Variants in VOPP1 observed in about 807,000 individuals in gnomAD.
VOPP1 encodes the protein WW domain binding protein VOPP1.
A neutral mutation model predicts 23.5 loss-of-function variants in VOPP1; 8 were observed. The observed-to-expected ratio is 0.34, with a 90% CI of 0.20 to 0.61. The LOEUF (loss-of-function observed/expected upper bound fraction) is 0.61, where lower values mean the gene tolerates loss of function less well. VOPP1 is among the 20% of genes least tolerant of loss of function. VOPP1 has a pLI of 0.78. For synonymous variants in VOPP1, 83 were observed against 97.3 expected (o/e 0.85, Z 0.86); for missense variants, 174 against 238.1 (o/e 0.73, Z 1.77).
At chr7:55,523,496 A>T (rs1366791875) in intron 1 of VOPP1, among the ~76,000 whole-genome samples, 1 of 152,108 alleles carries the variant, frequency 6.6e-6, no homozygotes, top group Non-Finnish European at 1.5e-5. Flanking sequence ...GGGGCAAAGC[A>T]CTCAGGTCAT....
intron 1 of VOPP1, among the ~76,000 whole-genome samples, chr7:55,534,214 C>T (rs1796652125): frequency 6.8e-6 from 1 of 147,880 alleles, no homozygotes; most frequent in South Asian, 2.2e-4. Context: ...ACAGAAATTT[C>T]TACAGACACT....
At chr7:55,435,722 G>A (rs879768110), downstream of VOPP1, among the ~76,000 whole-genome samples, 2 of 152,244 alleles carry the variant, frequency 1.3e-5, no homozygotes, top group Non-Finnish European at 2.9e-5. Flanking sequence ...GATGCCTGGG[G>A]CTATCCTGAG....
intron 1 of VOPP1, among the ~76,000 whole-genome samples, chr7:55,528,419 T>C (rs1796311505): frequency 6.6e-6 from 1 of 152,230 alleles, no homozygotes; most frequent in African/African-American, 2.4e-5. Context: ...TATTCAATTT[T>C]ACTTTAAAAT....
intron 3 of VOPP1, among the ~76,000 whole-genome samples, chr7:55,494,569 G>A (rs540066209): frequency 1.3e-5 from 2 of 152,074 alleles, no homozygotes; most frequent in Non-Finnish European, 2.9e-5. Flanking sequence ...GGAGTTACAC[G>A]GGATCCACTT....
At chr7:55,487,612 T>C (rs1471921292) in intron 4 of VOPP1, among the ~76,000 whole-genome samples, 7 of 152,318 alleles carry the variant, frequency 4.6e-5, no homozygotes, top group African/African-American at 2.4e-5. Flanking sequence ...TGTATGTCAC[T>C]GGGCCTGGCT....
At chr7:55,443,519 G>A (rs62457878) in intron 4 of VOPP1, among the ~76,000 whole-genome samples, 35,387 of 151,968 alleles carry the variant, frequency 0.23, 4,660 homozygotes, top group African/African-American at 0.34. Context: ...ACGCCACTGC[G>A]CTCCAGCCTG....
chr7:55,537,699 T>C lies in VOPP1; in HGVS notation c.55-16569A>G. ...TGTTGAGTGGTGAGAACATCTACCA[T>C]GGAGGACGCTACAAGGATTCAAGAA... On this transcript the variant is annotated intron_variant, in intron 1 of 4. Coordinates refer to ENST00000285279, the MANE Select transcript of VOPP1 (RefSeq NM_030796.5). 7 of 1,446,570 alleles carry C rather than the reference T, an allele frequency of 4.8e-6. No individual in the cohort carries two copies. In the Admixed American group the frequency reaches 1.2e-4, roughly 26 times the overall value. 89.6% of individuals were successfully genotyped at this position (1,446,570 alleles called of 1,614,324 possible).
At chr7:55,496,464 G>A (rs2129023262) in intron 3 of VOPP1, among the ~76,000 whole-genome samples, 1 of 152,346 alleles carries the variant, frequency 6.6e-6, no homozygotes, top group South Asian at 2.1e-4. Context: ...AGAGTTTTAG[G>A]AAATGGCACC....
chr7:55,540,822 G>A lies in VOPP1; in HGVS notation c.55-19692C>T, dbSNP rs60876575. Among the ~76,000 whole-genome samples the A allele has an allele frequency of 5.4e-3, 824 of 152,188 alleles. 11 individuals carry two copies. Among genetic ancestry groups the A allele is most frequent in the African/African-American group, 0.019 (785 of 41,522 alleles). On this transcript the variant is annotated intron_variant, in intron 1 of 4. Transcript: ENST00000285279. ...GACAGAGTCGATGCCACAATTTTACGGCGTAGTTTATTTTTATGTCTGGCT... is the reference window on the plus strand; with the variant it reads ...GACAGAGTCGATGCCACAATTTTACAGCGTAGTTTATTTTTATGTCTGGCT...
At chr7:55,482,921 A>C (rs191018610) in intron 4 of VOPP1, among the ~76,000 whole-genome samples, 31 of 152,310 alleles carry the variant, frequency 2.0e-4, no homozygotes, top group African/African-American at 7.5e-4. Flanking sequence ...GCTGCTGCTG[A>C]TTTTTTAAAA....
At chr7:55,537,182 C>G (rs1032078744) in intron 1 of VOPP1, among the ~76,000 whole-genome samples, 7 of 152,208 alleles carry the variant, frequency 4.6e-5, no homozygotes, top group Non-Finnish European at 1.0e-4. Context: ...AGCACTGACC[C>G]TGCCCTGTCC....
chr7:55,512,174 G>A (rs1795111733), intron 2 of VOPP1, among the ~76,000 whole-genome samples: 2 of 152,128 alleles, frequency 1.3e-5, no homozygotes, highest in African/African-American at 2.4e-5. Flanking sequence ...CACCTGTATC[G>A]CAGCACTTTG....
chr7:55,512,495 C>T (rs932082296), intron 2 of VOPP1, among the ~76,000 whole-genome samples: 2 of 152,096 alleles, frequency 1.3e-5, no homozygotes, highest in African/African-American at 2.4e-5. Context: ...CAGAAGATCA[C>T]CAGTGAAAAT....
At chr7:55,473,151 C>A (rs937608634) in intron 4 of VOPP1, 106 bp from the exon 5 acceptor site, 2 of 1,481,182 alleles carry the variant, frequency 1.4e-6, no homozygotes, top group Non-Finnish European at 8.9e-7. Context: ...ATTCACTCAG[C>A]GACAGTGTAT....
chr7:55,448,189 T>C (rs968485301), intron 4 of VOPP1, among the ~76,000 whole-genome samples: 5 of 152,146 alleles, frequency 3.3e-5, no homozygotes, highest in Non-Finnish European at 5.9e-5. Context: ...GAAATAAATG[T>C]GGATGTACGT....
At chr7:55,533,730 C>A (rs188257206) in intron 1 of VOPP1, among the ~76,000 whole-genome samples, 1 of 152,326 alleles carries the variant, frequency 6.6e-6, no homozygotes, top group Admixed American at 6.5e-5. Context: ...TAGAACAGCA[C>A]TCAGGTTAAT....
Position 55,505,647 on chromosome 7 carries a change from AAGGAAGGGAGGGAGGG to A in VOPP1, c.114-7973_114-7958del, listed in dbSNP as rs1471303595. The stretch of plus-strand genomic sequence containing the variant: ...GAAGGAAAGAAGGAAAAAAGGAAGG[AAGGAAGGGAGGGAGGG>A]AGGGAGGGAGGGAGGGAGGGAGGGA... On this transcript the variant is annotated intron_variant, in intron 2 of 4. Transcript: ENST00000285279. Among the ~76,000 whole-genome samples, 116 of 105,606 alleles carry A rather than the reference AAGGAAGGGAGGGAGGG, an allele frequency of 1.1e-3. 3 individuals are homozygous for A. Among genetic ancestry groups the A allele is most frequent in the Middle Eastern group, 4.2e-3 (1 of 240 alleles). 69.3% of individuals were successfully genotyped at this position (105,606 alleles called of 152,430 possible). A position where few individuals can be genotyped will look rare whatever the true frequency, so the allele number is the denominator to read the frequency against.
In VOPP1 at chr7:55,538,631, C is replaced by CAGAT. The variant is rs550916004; in HGVS notation, c.55-17505_55-17502dup. On this transcript the variant is annotated intron_variant, in intron 1 of 4. Coordinates refer to ENST00000285279, the MANE Select transcript of VOPP1 (RefSeq NM_030796.5). ...TACAAACCTGCAAGAGCACAGAAGA[C>CAGAT]AGATACCCAAGAGTTTCGCTGAGCA... is the stretch of plus-strand genomic sequence containing the variant. 308 of 1,535,894 alleles carry CAGAT rather than the reference C, an allele frequency of 2.0e-4. No individual in the cohort carries two copies. In the African/African-American group the frequency reaches 3.7e-3, roughly 18 times the overall value.
chr7:55,445,216 G>C (rs62457880), intron 4 of VOPP1, among the ~76,000 whole-genome samples: 52 of 102,476 alleles, frequency 5.1e-4, no homozygotes, highest in South Asian at 9.8e-4. Context: ...CACACACACA[G>C]ACACACACAC....
Sources: allele counts gnomAD v4.1 joint callset (sites outside exome capture counted in the v4.1 genomes callset), GRCh38; gene constraint gnomAD v4.1.1; transcripts MANE v1.5; gene names NCBI Gene and HGNC (gene_info 2026-07-23, HGNC 2026-07-21).